FOXO1: variants seen among roughly 807,000 people sequenced by gnomAD.
FOXO1 encodes forkhead box protein O1.
Under a neutral mutation model 44.1 loss-of-function variants are expected in FOXO1, and 6 were observed. That is an observed-to-expected ratio of 0.14 (90% CI 0.07 to 0.27). The LOEUF (loss-of-function observed/expected upper bound fraction) is 0.27. Ranked by LOEUF, FOXO1 falls within the 10% of genes least tolerant of loss-of-function variation. The pLI is 1.00. For synonymous variants in FOXO1, 380 were observed against 362.7 expected, an observed-to-expected ratio of 1.05 and a Z score of -0.54; for missense variants, 737 against 888.8, an observed-to-expected ratio of 0.83 and a Z score of 2.17.
chr13:40,600,542 T>G (rs1393209476), intron 1 of FOXO1, among the ~76,000 whole-genome samples: 1 of 152,222 alleles, frequency 6.6e-6, no homozygotes, highest in Non-Finnish European at 1.5e-5. Flanking sequence ...CTCCAACTAC[T>G]GCAAATGCTG....
At chr13:40,603,535 A>C (rs1204381198) in intron 1 of FOXO1, among the ~76,000 whole-genome samples, 1 of 152,172 alleles carries the variant, frequency 6.6e-6, no homozygotes, top group Non-Finnish European at 1.5e-5. Context: ...TGCTTGAGGT[A>C]CAGCAAACCT....
intron 1 of FOXO1, among the ~76,000 whole-genome samples, chr13:40,582,439 C>T (rs1205348404): frequency 6.6e-6 from 1 of 152,216 alleles, no homozygotes; most frequent in African/African-American, 2.4e-5. Flanking sequence ...TTGACTCTTT[C>T]TTTCACGAAA....
chr13:40,583,637 T>C (rs753022861), intron 1 of FOXO1, among the ~76,000 whole-genome samples: 9 of 152,368 alleles, frequency 5.9e-5, no homozygotes, highest in Non-Finnish European at 1.0e-4. Context: ...ACTTTTCTTC[T>C]GCAGCTTCCT....
chr13:40,625,831 A>C (rs941786345), intron 1 of FOXO1, among the ~76,000 whole-genome samples: 3 of 152,188 alleles, frequency 2.0e-5, no homozygotes, highest in African/African-American at 7.2e-5. Flanking sequence ...GCCTTGGCAC[A>C]CACATTTTCA....
At chr13:40,607,927 A>T (rs969084676) in intron 1 of FOXO1, among the ~76,000 whole-genome samples, 10 of 152,210 alleles carry the variant, frequency 6.6e-5, no homozygotes, top group Admixed American at 1.3e-4. Flanking sequence ...GCTGAAACAG[A>T]TTTTGAACCC....
intron 1 of FOXO1, among the ~76,000 whole-genome samples, chr13:40,603,914 G>A (rs1439332783): frequency 2.0e-5 from 3 of 152,112 alleles, no homozygotes; most frequent in African/African-American, 7.2e-5. Flanking sequence ...TACTGTACTA[G>A]AGCTTAGCTT....
chr13:40,562,416 C>T (rs1874071009), intron 1 of FOXO1, among the ~76,000 whole-genome samples: 1 of 152,158 alleles, frequency 6.6e-6, no homozygotes, highest in Non-Finnish European at 1.5e-5. Context: ...ACTTACTTAC[C>T]TAGGTGACCT....
At chr13:40,622,314 A>C (rs2137903870) in intron 1 of FOXO1, among the ~76,000 whole-genome samples, 1 of 152,322 alleles carries the variant, frequency 6.6e-6, no homozygotes, top group African/African-American at 2.4e-5. Context: ...GAAAACAAAA[A>C]CCTTTAAGAG....
intron 1 of FOXO1, among the ~76,000 whole-genome samples, chr13:40,621,979 A>G (rs1593404045): frequency 6.6e-6 from 1 of 152,236 alleles, no homozygotes; most frequent in South Asian, 2.1e-4. Flanking sequence ...ATCATCTCAG[A>G]GAGAAAAGGG....
chr13:40,620,501 T>C, intron 1 of FOXO1: 1 of 524,936 alleles, frequency 1.9e-6, no homozygotes, highest in Non-Finnish European at 3.5e-6. Context: ...CTGGAGAATC[T>C]AGTACTCTAA....
At position 40,660,285 on chromosome 13, in the gene FOXO1, CTA is replaced by C. The variant is rs373414964; in HGVS notation, c.630+5296_630+5297del. Among the ~76,000 whole-genome samples the C allele has an allele frequency of 4.0e-4, 61 of 152,314 alleles. No individual in the cohort carries two copies. The South Asian group carries it at 0.012, about 31-fold the overall frequency. ...TTGAAAATTCTGCCTTCCCCAATCACTATGTGGTATTTACACTGCCTTTCCAA... is the reference window on the plus strand; with the variant it reads ...TTGAAAATTCTGCCTTCCCCAATCACTGTGGTATTTACACTGCCTTTCCAA... On this transcript the variant is annotated intron_variant, in intron 1 of 2. Transcript: ENST00000379561.
chr13:40,604,326 T>C (rs995710203), intron 1 of FOXO1, among the ~76,000 whole-genome samples: 3 of 152,086 alleles, frequency 2.0e-5, no homozygotes, highest in Non-Finnish European at 4.4e-5. Flanking sequence ...ACATGTTATT[T>C]AAAGCATACA....
chr13:40,590,182 C>T (rs1428566364), intron 1 of FOXO1, among the ~76,000 whole-genome samples: 3 of 152,112 alleles, frequency 2.0e-5, no homozygotes, highest in Non-Finnish European at 4.4e-5. Flanking sequence ...ACTATTCTGG[C>T]ATAGTGACGC....
At chr13:40,654,825 A>G (rs1444716662) in intron 1 of FOXO1, among the ~76,000 whole-genome samples, 1 of 152,138 alleles carries the variant, frequency 6.6e-6, no homozygotes, top group African/African-American at 2.4e-5. Flanking sequence ...AAGAACTCCT[A>G]TGACTTAAGG....
At chr13:40,655,815 T>C (rs1877842893) in intron 1 of FOXO1, among the ~76,000 whole-genome samples, 1 of 151,970 alleles carries the variant, frequency 6.6e-6, no homozygotes. Context: ...GCTAATTTTT[T>C]GTATTTTTAG....
intron 1 of FOXO1, among the ~76,000 whole-genome samples, chr13:40,630,229 T>C (rs1876916457): frequency 6.6e-6 from 1 of 152,144 alleles, no homozygotes; most frequent in East Asian, 1.9e-4. Flanking sequence ...CTCTTGAGAA[T>C]CTCTGATTAT....
chr13:40,657,976 C>A (rs1241127443), intron 1 of FOXO1, among the ~76,000 whole-genome samples: 1 of 152,134 alleles, frequency 6.6e-6, no homozygotes, highest in Non-Finnish European at 1.5e-5. Flanking sequence ...ACCCATGTAT[C>A]AAGAAAGAAT....
chr13:40,652,959 A>T (rs1877731862), intron 1 of FOXO1, among the ~76,000 whole-genome samples: 1 of 149,818 alleles, frequency 6.7e-6, no homozygotes, highest in Non-Finnish European at 1.5e-5. Context: ...TTTGAAATCT[A>T]AGTGCATTTC....
chr13:40,613,062 T>C (rs759166045), intron 1 of FOXO1, among the ~76,000 whole-genome samples: 1 of 152,236 alleles, frequency 6.6e-6, no homozygotes, highest in Admixed American at 6.5e-5. Context: ...CAGCCACAAT[T>C]TGAAGAAGGC....
Sources: allele counts gnomAD v4.1 joint callset (sites outside exome capture counted in the v4.1 genomes callset), GRCh38; gene constraint gnomAD v4.1.1; transcripts MANE v1.5; gene names NCBI Gene and HGNC (gene_info 2026-07-23, HGNC 2026-07-21).